The following DNAH8 variants were observed in gnomAD, a reference collection of about 807,000 sequenced individuals.
DNAH8 encodes dynein axonemal heavy chain 8.
DNAH8 carries 382 observed loss-of-function variants against 562.1 expected under a neutral mutation model. That is an observed-to-expected ratio of 0.68 (90% CI 0.63 to 0.74). The LOEUF is 0.74. DNAH8 is among the 30% of genes least tolerant of loss of function. DNAH8 has a pLI of 0.00. For synonymous variants in DNAH8, 1,881 were observed against 1,919.4 expected (o/e 0.98, Z 0.52); for missense variants, 5,203 against 5,620.4 (o/e 0.93, Z 2.37).
intron 66 of DNAH8, among the ~76,000 whole-genome samples, chr6:38,912,996 A>G (rs1483609940): frequency 6.6e-6 from 1 of 152,114 alleles, no homozygotes. Flanking sequence ...TTTAGTAGAG[A>G]CAGGGTTTTG....
chr6:38,807,990 A>C (rs1311558114), intron 24 of DNAH8, among the ~76,000 whole-genome samples: 1 of 152,092 alleles, frequency 6.6e-6, no homozygotes, highest in African/African-American at 2.4e-5. Flanking sequence ...CTTGGTGTTT[A>C]TCATTGTCTT....
At chr6:38,745,235 T>C (rs1002982703) in intron 8 of DNAH8, among the ~76,000 whole-genome samples, 1 of 152,162 alleles carries the variant, frequency 6.6e-6, no homozygotes, top group African/African-American at 2.4e-5. Flanking sequence ...GGGGAACAAA[T>C]GCAACTTAAT....
chr6:38,956,169 G>C (rs1195947088), intron 82 of DNAH8, among the ~76,000 whole-genome samples: 1 of 152,238 alleles, frequency 6.6e-6, no homozygotes, highest in Non-Finnish European at 1.5e-5. Context: ...AAGGAGGCTT[G>C]CTCATATCTA....
At chr6:38,816,585 CT>C (rs67510234) in intron 26 of DNAH8, among the ~76,000 whole-genome samples, 75,192 of 151,908 alleles carry the variant, frequency 0.49, 19,574 homozygotes, top group East Asian at 0.7. Flanking sequence ...ATTTATATTC[CT>C]TCGGGTATAT....
chr6:38,863,781 G>A lies in DNAH8; in HGVS notation c.6311-92G>A. On this transcript the variant is annotated intron_variant, in intron 44 of 92. Coordinates refer to ENST00000327475, the MANE Select transcript of DNAH8 (RefSeq NM_001206927.2). The stretch of plus-strand genomic sequence containing the variant: ...AAACTTTACATAATCCCGTTTCAAT[G>A]TATAATGGTTTGGGAGCACTGGAGA... The A allele has an allele frequency of 3.7e-5, 38 of 1,026,296 alleles. No homozygotes were observed. The South Asian group carries it at 5.1e-4, about 14-fold the overall frequency. 63.6% of individuals were successfully genotyped at this position (1,026,296 alleles called of 1,614,324 possible). A position where few individuals can be genotyped will look rare whatever the true frequency, so the allele number is the denominator to read the frequency against.
intron 30 of DNAH8, 117 bp downstream of exon 30, chr6:38,828,405 G>A (rs942798861): frequency 8.8e-6 from 5 of 569,994 alleles, no homozygotes; most frequent in Non-Finnish European, 1.2e-5. Context: ...CAATGTTTCA[G>A]TCAACAACAG....
chr6:38,896,432 G>A (rs1309501401), intron 60 of DNAH8, among the ~76,000 whole-genome samples: 1 of 151,684 alleles, frequency 6.6e-6, no homozygotes, highest in Non-Finnish European at 1.5e-5. Context: ...AAAATTAGTC[G>A]GGTGTGGTGG....
At chr6:38,837,580 C>T (rs1359600419) in intron 32 of DNAH8, among the ~76,000 whole-genome samples, 1 of 151,994 alleles carries the variant, frequency 6.6e-6, no homozygotes, top group Non-Finnish European at 1.5e-5. Context: ...TCATTTGAGC[C>T]CTGTAGGATA....
chr6:38,929,144 A>G (rs1246163285), intron 74 of DNAH8, among the ~76,000 whole-genome samples: 1 of 152,156 alleles, frequency 6.6e-6, no homozygotes, highest in Non-Finnish European at 1.5e-5. Flanking sequence ...ATAAATGAAT[A>G]TCCAGATATG....
intron 9 of DNAH8, among the ~76,000 whole-genome samples, chr6:38,753,814 TTTG>T (rs1433008254): frequency 6.6e-6 from 1 of 152,180 alleles, no homozygotes; most frequent in South Asian, 2.1e-4. Context: ...TTATTGTTAT[TTTG>T]TTGTTGTTGA....
intron 31 of DNAH8, 94 bp downstream of exon 31, chr6:38,832,529 A>G (rs915561386): frequency 4.1e-6 from 3 of 727,436 alleles, no homozygotes; most frequent in Non-Finnish European, 4.7e-6. Flanking sequence ...GGTACGTTGC[A>G]TGTATGTGGC....
intron 82 of DNAH8, among the ~76,000 whole-genome samples, chr6:38,968,364 G>T (rs1763113633): frequency 6.6e-6 from 1 of 152,112 alleles, no homozygotes; most frequent in South Asian, 2.1e-4. Flanking sequence ...TAAAATAGGA[G>T]AAAATATTTG....
At chr6:38,742,696 C>A (rs1235747352) in intron 8 of DNAH8, among the ~76,000 whole-genome samples, 2 of 152,052 alleles carry the variant, frequency 1.3e-5, no homozygotes, top group South Asian at 2.1e-4. Flanking sequence ...ACGAATAAAA[C>A]AAGTCTCTCT....
At position 38,870,502 on chromosome 6, in the gene DNAH8, C is replaced by T. The variant is rs1777384860; in HGVS notation, c.6930C>T (p.Ala2310=). The change falls in exon 49 of 93, where the codon GCC becomes GCT. Residue 2310 remains alanine (A), a synonymous_variant. Coordinates refer to ENST00000327475, the MANE Select transcript of DNAH8 (RefSeq NM_001206927.2). ...NTYAELQNAV[A]HQVQIEGLIN... ...ATGCAGAACTGCAAAACGCAGTAGC[C>T]CATCAGGTTCAGATAGAGGGTTTGA... is the stretch of plus-strand genomic sequence containing the variant. 6 of 1,613,966 alleles carry T rather than the reference C, an allele frequency of 3.7e-6. No individual in the cohort carries two copies. Among genetic ancestry groups the T allele is most frequent in the Non-Finnish European group, 5.1e-6 (6 of 1,179,952 alleles).
rs142661153 is a variant in DNAH8 at position 38,845,433 on chromosome 6, C to G, written c.4846-141C>G. 3.9e-4 allele frequency: 246 copies of G among 629,160 alleles called. 1 individual carries two copies. The highest frequency in any genetic ancestry group is 3.9e-3 in the African/African-American group (210 of 54,348). The allele number at this position is 629,160 out of a possible 1,614,324, so 39.0% of individuals were successfully genotyped here. ...CAAGTTGCAACACAATGATCTGAAG[C>G]CTTTTCTTGGCTGTAAAATGACTAA... On this transcript the variant is annotated intron_variant, in intron 35 of 92. Transcript: ENST00000327475.
At chr6:38,924,781 G>T (rs1781978291) in intron 73 of DNAH8, 1 of 152,212 alleles carries the variant, frequency 6.6e-6, no homozygotes, top group South Asian at 2.1e-4. Flanking sequence ...AAACATTTTA[G>T]GCAAATGTAG....
chr6:38,911,626 G>A lies in DNAH8; in HGVS notation c.9859+40G>A, dbSNP rs200858148. 8 of 1,334,936 alleles carry A rather than the reference G, an allele frequency of 6.0e-6. No homozygotes were observed. The Admixed American group carries it at 1.5e-4, about 24-fold the overall frequency. 82.7% of individuals were successfully genotyped at this position (1,334,936 alleles called of 1,614,324 possible). ...ATGGAATGGGATGGAATAGAAATAG[G>A]GTTTATTTGATAGGGATCTCAATAT... On this transcript the variant is annotated intron_variant, in intron 66 of 92. Transcript: ENST00000327475.
At chr6:38,943,413 C>T (rs1783610091) in intron 79 of DNAH8, among the ~76,000 whole-genome samples, 1 of 152,044 alleles carries the variant, frequency 6.6e-6, no homozygotes, top group Non-Finnish European at 1.5e-5. Context: ...ATTTTGAACT[C>T]AATACTTAAG....
chr6:38,794,178 G>A (rs1352684631), intron 21 of DNAH8, among the ~76,000 whole-genome samples: 1 of 152,026 alleles, frequency 6.6e-6, no homozygotes, highest in Non-Finnish European at 1.5e-5. Context: ...CTCAACCAAG[G>A]TAGCTGACTT....
Sources: allele counts gnomAD v4.1 joint callset (sites outside exome capture counted in the v4.1 genomes callset), GRCh38; gene constraint gnomAD v4.1.1; transcripts MANE v1.5; gene names NCBI Gene and HGNC (gene_info 2026-07-23, HGNC 2026-07-21).